Variants in PPFIBP1 observed in about 807,000 individuals in gnomAD.
PPFIBP1 encodes the protein PPFIB scaffold protein 1.
PPFIBP1 carries 112 observed loss-of-function variants against 137.8 expected under a neutral mutation model. The observed-to-expected ratio is 0.81, with a 90% CI of 0.70 to 0.95. The LOEUF (loss-of-function observed/expected upper bound fraction) is 0.95, where lower values mean the gene tolerates loss of function less well. Ranked by LOEUF, PPFIBP1 falls within the 40% of genes least tolerant of loss-of-function variation. The pLI is 0.00. For missense variants in PPFIBP1, 1,083 were observed against 1,196.6 expected (o/e 0.91, Z 1.40); for synonymous variants, 378 against 417.3 (o/e 0.91, Z 1.15).
At chr12:27,621,920 T>C (rs2113868) in intron 2 of PPFIBP1, among the ~76,000 whole-genome samples, 139,754 of 152,214 alleles carry the variant, frequency 0.92, 64,501 homozygotes, top group East Asian at 0.97. Context: ...AAAGCAGACC[T>C]GAAATTAGAC....
intron 2 of PPFIBP1, among the ~76,000 whole-genome samples, chr12:27,625,097 C>A (rs1002212051): frequency 6.6e-6 from 1 of 151,912 alleles, no homozygotes; most frequent in Non-Finnish European, 1.5e-5. Flanking sequence ...ATGGCGAAAC[C>A]CTGTCTCTAC....
chr12:27,653,586 TAAAAAAAAAAA>T (rs11306083), intron 7 of PPFIBP1, among the ~76,000 whole-genome samples: 2 of 107,602 alleles, frequency 1.9e-5, no homozygotes, highest in African/African-American at 8.0e-5. Flanking sequence ...GACTCCATCT[TAAAAAAAAAAA>T]AAAAAAAAAA....
At chr12:27,631,537 C>T (rs538309858) in intron 2 of PPFIBP1, among the ~76,000 whole-genome samples, 1 of 152,244 alleles carries the variant, frequency 6.6e-6, no homozygotes, top group African/African-American at 2.4e-5. Flanking sequence ...TAAAAGTTAA[C>T]GTTTTGAACT....
chr12:27,636,903 G>C (rs1225852740), intron 4 of PPFIBP1: 1 of 152,212 alleles, frequency 6.6e-6, no homozygotes, highest in African/African-American at 2.4e-5. Flanking sequence ...TGGCCTCAGA[G>C]CCTTTGCACT....
intron 4 of PPFIBP1, among the ~76,000 whole-genome samples, chr12:27,639,915 C>T (rs748354547): frequency 1.3e-5 from 2 of 152,186 alleles, no homozygotes; most frequent in Non-Finnish European, 2.9e-5. Flanking sequence ...CCCCGTCCTA[C>T]CACCCTCCGA....
chr12:27,623,175 G>T (rs2056495530), intron 2 of PPFIBP1, among the ~76,000 whole-genome samples: 1 of 152,132 alleles, frequency 6.6e-6, no homozygotes, highest in South Asian at 2.1e-4. Context: ...AAGAAGGGAA[G>T]AATGAGGTTA....
intron 28 of PPFIBP1, 45 bp downstream of exon 28, chr12:27,691,973 C>T: frequency 6.7e-7 from 1 of 1,503,602 alleles, no homozygotes; most frequent in Non-Finnish European, 9.0e-7. Flanking sequence ...TTCCATCATT[C>T]AGACACTAAA....
At chr12:27,667,070 T>G in intron 12 of PPFIBP1, 96 bp from the exon 13 acceptor site, 1 of 1,279,138 alleles carries the variant, frequency 7.8e-7, no homozygotes, top group Non-Finnish European at 1.0e-6. Flanking sequence ...CAGAAAAAAT[T>G]TTATATTCGT....
intron 5 of PPFIBP1, among the ~76,000 whole-genome samples, chr12:27,646,681 A>G (rs1435535917): frequency 2.0e-5 from 3 of 152,184 alleles, no homozygotes; most frequent in Non-Finnish European, 4.4e-5. Flanking sequence ...AATTTTAAAA[A>G]TGTTACCCTG....
At chr12:27,531,324 G>T (rs866288200) in intron 1 of PPFIBP1, among the ~76,000 whole-genome samples, 1 of 151,832 alleles carries the variant, frequency 6.6e-6, no homozygotes, top group African/African-American at 2.4e-5. Flanking sequence ...AGACAGTCTC[G>T]TGCTGTCACC....
At chr12:27,550,742 G>A (rs978751473) in intron 1 of PPFIBP1, among the ~76,000 whole-genome samples, 4 of 152,068 alleles carry the variant, frequency 2.6e-5, no homozygotes, top group African/African-American at 9.7e-5. Flanking sequence ...ACAGAGCCTC[G>A]ATTCTACCCC....
At chr12:27,532,818 AG>A (rs1944559184) in intron 1 of PPFIBP1, among the ~76,000 whole-genome samples, 1 of 152,192 alleles carries the variant, frequency 6.6e-6, no homozygotes, top group South Asian at 2.1e-4. Flanking sequence ...CAAATCTTAC[AG>A]GGTTTTAAAG....
At chr12:27,534,797 G>T (rs187659029) in intron 1 of PPFIBP1, among the ~76,000 whole-genome samples, 23 of 152,286 alleles carry the variant, frequency 1.5e-4, no homozygotes, top group Admixed American at 3.9e-4. Flanking sequence ...GACAGCACTG[G>T]ATTAAATTCT....
chr12:27,629,767 C>T (rs1264641194), intron 2 of PPFIBP1, among the ~76,000 whole-genome samples: 1 of 152,102 alleles, frequency 6.6e-6, no homozygotes, highest in African/African-American at 2.4e-5. Flanking sequence ...ATTAACATAG[C>T]TTTGTCAACA....
chr12:27,681,841 G>A (rs1173408805), intron 22 of PPFIBP1, 145 bp downstream of exon 22: 22 of 862,008 alleles, frequency 2.6e-5, no homozygotes, highest in Non-Finnish European at 3.6e-5. Context: ...ATTGCTTCAT[G>A]CTTCTTTTTT....
intron 2 of PPFIBP1, among the ~76,000 whole-genome samples, chr12:27,578,640 C>A (rs1167755765): frequency 1.3e-5 from 2 of 152,154 alleles, no homozygotes; most frequent in Non-Finnish European, 2.9e-5. Context: ...ACCCAGTAGG[C>A]TTAGAATATG....
rs201771402 is a variant in PPFIBP1 at position 27,633,366 on chromosome 12, G to A, written c.-31G>A. 1.2e-6 allele frequency: 2 copies of A among 1,605,846 alleles called. No individual in the cohort carries two copies. The highest frequency in any genetic ancestry group is 1.3e-5 in the African/African-American group (1 of 74,632). On this transcript the variant is annotated 5_prime_UTR_variant, in exon 3 of 30. Coordinates refer to ENST00000228425, the MANE Select transcript of PPFIBP1 (RefSeq NM_003622.4). ...GATAACCTTATTTTTTTTCAGATCT[G>A]GGTTGGAATTTGCCCCTGACAAATA...
intron 4 of PPFIBP1, among the ~76,000 whole-genome samples, chr12:27,642,716 G>A (rs1208070136): frequency 1.3e-5 from 2 of 152,042 alleles, no homozygotes; most frequent in Non-Finnish European, 2.9e-5. Flanking sequence ...GGAGGTGAGT[G>A]GAGTGTTGGG....
intron 22 of PPFIBP1, 32 bp downstream of exon 22, chr12:27,681,728 G>C (rs1465367923): frequency 3.1e-6 from 5 of 1,609,064 alleles, no homozygotes; most frequent in Non-Finnish European, 4.3e-6. Flanking sequence ...TCACACAATG[G>C]ATACTGAGAA....
Sources: allele counts gnomAD v4.1 joint callset (sites outside exome capture counted in the v4.1 genomes callset), GRCh38; gene constraint gnomAD v4.1.1; transcripts MANE v1.5; gene names NCBI Gene and HGNC (gene_info 2026-07-23, HGNC 2026-07-21).